Variants in MARCHF1 observed in about 807,000 individuals in gnomAD.
The protein encoded by MARCHF1 is E3 ubiquitin-protein ligase MARCHF1.
MARCHF1 carries 40 observed loss-of-function variants against 54.2 expected under a neutral mutation model. The ratio of observed to expected loss-of-function variants is 0.74; its 90% confidence interval spans 0.57 to 0.96. The LOEUF is 0.96. Ranked by LOEUF, MARCHF1 falls within the 40% of genes least tolerant of loss-of-function variation. The probability of loss-of-function intolerance (pLI) is 0.00; values close to 1 mark genes in which losing one functional copy is unlikely to be tolerated. For synonymous variants in MARCHF1, 236 were observed against 236.3 expected, an observed-to-expected ratio of 1.00 and a Z score of 0.01; for missense variants, 586 against 656.5, an observed-to-expected ratio of 0.89 and a Z score of 1.17.
At chr4:164,148,732 A>T (rs550723879) in intron 1 of MARCHF1, among the ~76,000 whole-genome samples, 5 of 152,164 alleles carry the variant, frequency 3.3e-5, no homozygotes, top group Non-Finnish European at 4.4e-5. Context: ...CTGTGCCATT[A>T]TAAATATTAC....
At chr4:164,147,469 T>C (rs1250409736) in intron 1 of MARCHF1, among the ~76,000 whole-genome samples, 3 of 114,832 alleles carry the variant, frequency 2.6e-5, no homozygotes, top group African/African-American at 4.0e-5. Flanking sequence ...GTGGCAGATA[T>C]ACACCATGGA....
intron 3 of MARCHF1, among the ~76,000 whole-genome samples, 189 bp from the exon 4 acceptor site, chr4:163,854,358 T>C (rs1749714253): frequency 6.6e-6 from 1 of 152,116 alleles, no homozygotes; most frequent in South Asian, 2.1e-4. Flanking sequence ...CACAGGACAA[T>C]AGAAAGAGTA....
chr4:163,779,201 C>T (rs530140631), intron 4 of MARCHF1, among the ~76,000 whole-genome samples: 1 of 152,186 alleles, frequency 6.6e-6, no homozygotes, highest in South Asian at 2.1e-4. Context: ...CTCCTTCTGT[C>T]TTTTTTACTT....
chr4:164,337,380 G>A (rs1407662377), intron 1 of MARCHF1, among the ~76,000 whole-genome samples: 2 of 152,202 alleles, frequency 1.3e-5, no homozygotes, highest in African/African-American at 4.8e-5. Context: ...ATGGCTCAAT[G>A]CCAAGAGAAC....
Position 163,528,629 on chromosome 4 carries a change from G to GTGTC in MARCHF1, c.*115_*118dup, listed in dbSNP as rs1362988778. Reference sequence around the variant, plus strand: ...CTCTTTGAACAAAGTCAGGAAAAATGTGTCAGTAGGAGAAAGGAGGAGCTG... The same window carrying GTGTC: ...CTCTTTGAACAAAGTCAGGAAAAATGTGTCTGTCAGTAGGAGAAAGGAGGAGCTG... On this transcript the variant is annotated 3_prime_UTR_variant, in exon 10 of 10. Coordinates refer to ENST00000514618, the MANE Select transcript of MARCHF1 (RefSeq NM_001394959.1). The GTGTC allele has an allele frequency of 9.7e-7, 1 of 1,029,254 alleles. No homozygotes were observed. Among genetic ancestry groups the GTGTC allele is most frequent in the Admixed American group, 2.8e-5 (1 of 35,694 alleles). 63.8% of individuals were successfully genotyped at this position (1,029,254 alleles called of 1,614,324 possible).
At chr4:163,788,818 A>T (rs1269319128) in intron 4 of MARCHF1, among the ~76,000 whole-genome samples, 1 of 152,050 alleles carries the variant, frequency 6.6e-6, no homozygotes, top group African/African-American at 2.4e-5. Context: ...TGAGCCTACA[A>T]TCCAAGAGTA....
intron 1 of MARCHF1, among the ~76,000 whole-genome samples, chr4:164,116,999 T>C (rs1379467008): frequency 6.6e-6 from 1 of 152,140 alleles, no homozygotes; most frequent in Non-Finnish European, 1.5e-5. Context: ...GACTCACGCC[T>C]GTAATGCCAG....
chr4:163,587,368 A>C (rs1474063885), intron 7 of MARCHF1, among the ~76,000 whole-genome samples: 1 of 152,212 alleles, frequency 6.6e-6, no homozygotes, highest in Non-Finnish European at 1.5e-5. Context: ...GAACCAATCC[A>C]GATGCCCATC....
intron 3 of MARCHF1, among the ~76,000 whole-genome samples, chr4:163,910,163 T>A (rs1273248906): frequency 6.6e-6 from 1 of 152,168 alleles, no homozygotes; most frequent in African/African-American, 2.4e-5. Context: ...TCTGAGTTAA[T>A]CCTTCCAAAT....
intron 1 of MARCHF1, among the ~76,000 whole-genome samples, chr4:164,122,256 T>C (rs1215753674): frequency 2.0e-5 from 3 of 152,134 alleles, no homozygotes; most frequent in Non-Finnish European, 2.9e-5. Context: ...CTTAGCCAGA[T>C]AGTGAGGATA....
rs543526356 is a variant in MARCHF1 at position 163,710,333 on chromosome 4, T to G, written c.112-9470A>C. Among the ~76,000 whole-genome samples the G allele has an allele frequency of 3.3e-5, 5 of 152,284 alleles. No individual in the cohort carries two copies. In the South Asian group the frequency reaches 6.2e-4, roughly 19 times the overall value. ...AATAATTTCTGTTTTTGCCATTACA[T>G]TCAATGACAAAACCGCAATTACTTT... On this transcript the variant is annotated intron_variant, in intron 4 of 9. Coordinates refer to ENST00000514618, the MANE Select transcript of MARCHF1 (RefSeq NM_001394959.1).
chr4:164,324,581 G>T (rs1303618061), intron 1 of MARCHF1, among the ~76,000 whole-genome samples: 2 of 151,442 alleles, frequency 1.3e-5, no homozygotes, highest in Non-Finnish European at 3.0e-5. Flanking sequence ...CTGAATGAAA[G>T]AAGCTAGAAG....
chr4:164,326,956 A>ATT (rs1735296100), intron 1 of MARCHF1, among the ~76,000 whole-genome samples: 1 of 73,228 alleles, frequency 1.4e-5, no homozygotes, highest in Non-Finnish European at 2.5e-5. Context: ...TGTTGTAAGG[A>ATT]TTGTGTGTGT....
chr4:163,682,863 A>G (rs1474111823), intron 5 of MARCHF1, among the ~76,000 whole-genome samples: 1 of 152,148 alleles, frequency 6.6e-6, no homozygotes, highest in Non-Finnish European at 1.5e-5. Flanking sequence ...GAGCCAATTA[A>G]ACCTTTTTCC....
intron 1 of MARCHF1, among the ~76,000 whole-genome samples, chr4:164,259,594 A>AG (rs1733406207): frequency 6.7e-6 from 1 of 149,918 alleles, no homozygotes; most frequent in Non-Finnish European, 1.5e-5. Context: ...AAGAAAAAAA[A>AG]AAGAAAAGAA....
intron 1 of MARCHF1, among the ~76,000 whole-genome samples, chr4:164,281,569 T>A (rs978852228): frequency 1.3e-5 from 2 of 152,088 alleles, no homozygotes; most frequent in Non-Finnish European, 2.9e-5. Flanking sequence ...GAGAAAAACA[T>A]GTGTACAGAC....
rs141394183 is a variant in MARCHF1 at position 163,698,976 on chromosome 4, A to G, written c.162+1837T>C. 3.4e-3 allele frequency among the ~76,000 whole-genome samples: 512 copies of G among 152,296 alleles called. 2 individuals carry two copies. The highest frequency in any genetic ancestry group is 5.6e-3 in the Non-Finnish European group (382 of 68,034). ...TCAGAAAACCTCCTTCAGGTGACTG[A>G]TATTATCATCATCCTTATGTCATAA... On this transcript the variant is annotated intron_variant, in intron 5 of 9. Transcript: ENST00000514618.
intron 2 of MARCHF1, among the ~76,000 whole-genome samples, chr4:164,092,765 A>G (rs1755331790): frequency 6.6e-6 from 1 of 152,268 alleles, no homozygotes; most frequent in African/African-American, 2.4e-5. Flanking sequence ...CATCTTATTG[A>G]ACCAATTGAT....
intron 2 of MARCHF1, among the ~76,000 whole-genome samples, chr4:164,052,216 C>G (rs916422541): frequency 6.6e-6 from 1 of 150,712 alleles, no homozygotes; most frequent in Non-Finnish European, 1.5e-5. Flanking sequence ...TTATGCCTCT[C>G]AAATCAGAAT....
Sources: allele counts gnomAD v4.1 joint callset (sites outside exome capture counted in the v4.1 genomes callset), GRCh38; gene constraint gnomAD v4.1.1; transcripts MANE v1.5; gene names NCBI Gene and HGNC (gene_info 2026-07-23, HGNC 2026-07-21).